Variants in CNTNAP4 observed in about 807,000 individuals in gnomAD.
The protein encoded by CNTNAP4 is contactin associated protein family member 4, also known as contactin-associated protein-like 4.
CNTNAP4 carries 98 observed loss-of-function variants against 148.4 expected under a neutral mutation model. The ratio of observed to expected loss-of-function variants is 0.66; its 90% confidence interval spans 0.56 to 0.78. The LOEUF (loss-of-function observed/expected upper bound fraction) is 0.78, where lower values mean the gene tolerates loss of function less well. Among genes scored for constraint, CNTNAP4 ranks in the 30% least tolerant of loss-of-function variants. The pLI is 0.00. For synonymous variants in CNTNAP4, 730 were observed against 565.1 expected (o/e 1.29, Z -4.14); for missense variants, 1,935 against 1,565.6 (o/e 1.24, Z -3.98).
intron 2 of CNTNAP4, among the ~76,000 whole-genome samples, chr16:76,340,490 G>C (rs557523232): frequency 1.3e-5 from 2 of 151,924 alleles, no homozygotes; most frequent in East Asian, 3.9e-4. Flanking sequence ...GTTTTCAAAC[G>C]ACCACCCTGG....
At chr16:76,443,306 A>G (rs1034629772) in intron 4 of CNTNAP4, among the ~76,000 whole-genome samples, 1 of 152,170 alleles carries the variant, frequency 6.6e-6, no homozygotes, top group African/African-American at 2.4e-5. Context: ...TTCAGATTTC[A>G]CATTTTTCCT....
At chr16:76,539,040 AAAAAT>A (rs1476209756) in intron 19 of CNTNAP4, among the ~76,000 whole-genome samples, 3 of 151,936 alleles carry the variant, frequency 2.0e-5, no homozygotes, top group African/African-American at 7.2e-5. Context: ...ACACCAAAAT[AAAAAT>A]AAGATTGTTC....
chr16:76,422,437 G>A (rs1012632079), intron 3 of CNTNAP4, among the ~76,000 whole-genome samples: 1 of 152,096 alleles, frequency 6.6e-6, no homozygotes, highest in Non-Finnish European at 1.5e-5. Context: ...AAAGTCAGCT[G>A]GTGGAGCTGA....
intron 15 of CNTNAP4, among the ~76,000 whole-genome samples, chr16:76,510,460 C>G (rs1011278624): frequency 1.0e-4 from 13 of 127,396 alleles, no homozygotes; most frequent in Admixed American, 9.1e-4. Context: ...CTGTGGACAT[C>G]CATGTATGCT....
In CNTNAP4 at chr16:76,378,618, G is replaced by A. The variant is rs76786918; in HGVS notation, c.390+23107G>A. Among the ~76,000 whole-genome samples the A allele has an allele frequency of 1.3e-4, 20 of 152,272 alleles. No individual in the cohort carries two copies. In the East Asian group the frequency reaches 3.9e-3, roughly 29 times the overall value. Reference sequence around the variant, plus strand: ...TGAGTAGACCTTGGTGTAAGTCTTGGGGTATCCCTGGCCTCACTGTTGTGA... The same window carrying A: ...TGAGTAGACCTTGGTGTAAGTCTTGAGGTATCCCTGGCCTCACTGTTGTGA... On this transcript the variant is annotated intron_variant, in intron 3 of 23. Coordinates refer to ENST00000611870, the MANE Select transcript of CNTNAP4 (RefSeq NM_033401.5).
chr16:76,524,496 C>A (rs1049445708), intron 17 of CNTNAP4, among the ~76,000 whole-genome samples: 1 of 152,118 alleles, frequency 6.6e-6, no homozygotes, highest in Non-Finnish European at 1.5e-5. Flanking sequence ...TGTGGATGAC[C>A]TTTCATTCTT....
intron 2 of CNTNAP4, among the ~76,000 whole-genome samples, chr16:76,341,865 GA>G (rs1964496019): frequency 6.6e-6 from 1 of 152,162 alleles, no homozygotes; most frequent in South Asian, 2.1e-4. Flanking sequence ...GAAAGATGCT[GA>G]AAAAGGCTGG....
At chr16:76,339,566 G>A (rs1479004653) in intron 2 of CNTNAP4, among the ~76,000 whole-genome samples, 1 of 152,138 alleles carries the variant, frequency 6.6e-6, no homozygotes, top group Admixed American at 6.6e-5. Context: ...GAAAAGAAAT[G>A]ACACAAAGAG....
At chr16:76,442,814 G>A (rs185154819) in intron 4 of CNTNAP4, among the ~76,000 whole-genome samples, 7 of 152,148 alleles carry the variant, frequency 4.6e-5, no homozygotes, top group African/African-American at 1.7e-4. Flanking sequence ...CCACACTGGG[G>A]AACAAATTTC....
intron 2 of CNTNAP4, among the ~76,000 whole-genome samples, chr16:76,342,515 C>G (rs1324240587): frequency 1.5e-5 from 2 of 134,990 alleles, no homozygotes; most frequent in African/African-American, 5.8e-5. Flanking sequence ...CTCTGTCGCC[C>G]AGGTTGGAGT....
At chr16:76,482,748 C>T (rs1049024899) in intron 12 of CNTNAP4, among the ~76,000 whole-genome samples, 1 of 152,192 alleles carries the variant, frequency 6.6e-6, no homozygotes, top group Non-Finnish European at 1.5e-5. Context: ...GAAGCTCTCC[C>T]GCCTGTGCAG....
chr16:76,365,312 G>A (rs1295198432), intron 3 of CNTNAP4, among the ~76,000 whole-genome samples: 11 of 152,122 alleles, frequency 7.2e-5, no homozygotes, highest in African/African-American at 2.7e-4. Context: ...GTACTGTGAT[G>A]GTTCCAGCTT....
intron 1 of CNTNAP4, among the ~76,000 whole-genome samples, chr16:76,289,510 C>G (rs1014259845): frequency 2.0e-5 from 3 of 146,542 alleles, no homozygotes; most frequent in Non-Finnish European, 4.5e-5. Context: ...CAAGATGTTT[C>G]TTTTCATTGC....
chr16:76,301,614 G>A (rs2143938316), intron 1 of CNTNAP4, among the ~76,000 whole-genome samples: 1 of 152,262 alleles, frequency 6.6e-6, no homozygotes, highest in African/African-American at 2.4e-5. Flanking sequence ...CTTTGGGAGG[G>A]TTACAGTTTT....
chr16:76,298,481 CATGTATGT>C lies in CNTNAP4; in HGVS notation c.86-17931_86-17924del, dbSNP rs371863289. Among the ~76,000 whole-genome samples, 962 of 134,914 alleles carry C rather than the reference CATGTATGT, an allele frequency of 7.1e-3. 11 individuals are homozygous for C. Among genetic ancestry groups the C allele is most frequent in the African/African-American group, 0.026 (926 of 35,650 alleles). 88.5% of individuals were successfully genotyped at this position (134,914 alleles called of 152,430 possible). A position where few individuals can be genotyped will look rare whatever the true frequency, so the allele number is the denominator to read the frequency against. ...TTCATTGTGTGTGCACATGTGTGTA[CATGTATGT>C]GTGTGTGTGTGTGTGTGTGTGTGTG... On this transcript the variant is annotated intron_variant, in intron 1 of 23. Transcript: ENST00000611870.
intron 3 of CNTNAP4, among the ~76,000 whole-genome samples, chr16:76,422,280 T>G (rs976735445): frequency 1.3e-5 from 2 of 152,144 alleles, no homozygotes; most frequent in African/African-American, 4.8e-5. Context: ...TTTTATGTAC[T>G]TAATGATATA....
rs1373546578 is a variant in CNTNAP4, at chr16:76,355,345, C to G, written c.224C>G (p.Ser75Cys). ...GCTGGTGGCTGGTCTCCACTTGTGT[C>G]TAACAAATACCAGTGGTTGCAGATT... ...DGAGGWSPLVSNKYQWLQIDL... is the reference protein window; with the variant it reads ...DGAGGWSPLVCNKYQWLQIDL... Residue 75 changes from serine (S) to cysteine (C), a missense_variant, in exon 3 of 24, where the codon TCT (serine) becomes TGT (cysteine). Coordinates refer to ENST00000611870, the MANE Select transcript of CNTNAP4 (RefSeq NM_033401.5). 4 of 1,589,826 alleles carry G rather than the reference C, an allele frequency of 2.5e-6. No homozygotes were observed. The highest frequency in any genetic ancestry group is 2.7e-5 in the African/African-American group (2 of 73,676).
intron 8 of CNTNAP4, among the ~76,000 whole-genome samples, chr16:76,458,875 T>C (rs1331250225): frequency 2.0e-5 from 3 of 152,240 alleles, no homozygotes; most frequent in Non-Finnish European, 4.4e-5. Flanking sequence ...ATTCTACTTT[T>C]AGTTCTTTGA....
At chr16:76,419,982 A>G (rs1378975956) in intron 3 of CNTNAP4, among the ~76,000 whole-genome samples, 1 of 152,154 alleles carries the variant, frequency 6.6e-6, no homozygotes, top group Middle Eastern at 3.4e-3. Context: ...AAATACAGTC[A>G]CATTGTGGGT....
Sources: allele counts gnomAD v4.1 joint callset (sites outside exome capture counted in the v4.1 genomes callset), GRCh38; gene constraint gnomAD v4.1.1; transcripts MANE v1.5; gene names NCBI Gene and HGNC (gene_info 2026-07-23, HGNC 2026-07-21).